Variants in IL1RAPL2 observed in about 807,000 individuals in gnomAD.
IL1RAPL2 encodes the protein interleukin 1 receptor accessory protein like 2, also known as X-linked interleukin-1 receptor accessory protein-like 2.
A neutral mutation model predicts 44.1 loss-of-function variants in IL1RAPL2; 3 were observed. That is an observed-to-expected ratio of 0.07 (90% CI 0.03 to 0.18). The LOEUF (loss-of-function observed/expected upper bound fraction) is 0.18. IL1RAPL2 is among the 10% of genes least tolerant of loss of function. The pLI is 1.00. For missense variants in IL1RAPL2, 391 were observed against 496.4 expected, an observed-to-expected ratio of 0.79 and a Z score of 2.02; for synonymous variants, 181 against 178.8, an observed-to-expected ratio of 1.01 and a Z score of -0.10.
At chrX:105,323,897 G>GAC (rs756657204) in intron 5 of IL1RAPL2, among the ~76,000 whole-genome samples, 6,259 of 95,343 alleles carry the variant, frequency 0.066, 190 homozygotes, top group Non-Finnish European at 0.09. Flanking sequence ...CACACACACA[G>GAC]ACACACACAC....
chrX:105,135,715 C>G (rs1332781532), intron 2 of IL1RAPL2, among the ~76,000 whole-genome samples: 1 of 111,631 alleles, frequency 9.0e-6, no homozygotes, highest in Non-Finnish European at 1.9e-5. Context: ...ATAATTGGAT[C>G]CTGCTCTAGC....
intron 1 of IL1RAPL2, among the ~76,000 whole-genome samples, chrX:104,622,325 T>G (rs898141287): frequency 2.0e-5 from 2 of 98,367 alleles, no homozygotes; most frequent in African/African-American, 1.1e-4. Flanking sequence ...TAGATCCTGA[T>G]GTAAGGTGTG....
At chrX:105,462,922 T>G (rs2147767279) in intron 5 of IL1RAPL2, among the ~76,000 whole-genome samples, 1 of 111,107 alleles carries the variant, frequency 9.0e-6, no homozygotes, top group East Asian at 2.8e-4. Context: ...CTGCAGTCCT[T>G]ACCCCCATTT....
At chrX:105,761,039 C>T (rs769013457) in intron 10 of IL1RAPL2, among the ~76,000 whole-genome samples, 3 of 109,273 alleles carry the variant, frequency 2.7e-5, no homozygotes, top group Non-Finnish European at 3.8e-5. Context: ...ACTAACTGGG[C>T]GTGGTGGCAG....
At chrX:105,299,685 A>G (rs1013346063) in intron 5 of IL1RAPL2, among the ~76,000 whole-genome samples, 1 of 112,027 alleles carries the variant, frequency 8.9e-6, no homozygotes, top group East Asian at 2.8e-4. Flanking sequence ...TATGACCCTA[A>G]TGCCAGAAAT....
At chrX:105,028,813 C>A (rs1285169550) in intron 2 of IL1RAPL2, among the ~76,000 whole-genome samples, 1 of 111,027 alleles carries the variant, frequency 9.0e-6, no homozygotes, top group African/African-American at 3.3e-5. Context: ...GACTTGAGTT[C>A]TTTTCTTTAG....
chrX:105,429,218 G>C (rs2035831252), intron 5 of IL1RAPL2, among the ~76,000 whole-genome samples: 1 of 111,633 alleles, frequency 9.0e-6, no homozygotes, highest in Non-Finnish European at 1.9e-5. Context: ...GTGAAAATTA[G>C]CTTCAAGTTC....
chrX:105,510,973 G>T (rs974588537), intron 6 of IL1RAPL2, among the ~76,000 whole-genome samples: 13 of 111,697 alleles, frequency 1.2e-4, no homozygotes, highest in African/African-American at 4.2e-4. Flanking sequence ...GAGTAGGAAT[G>T]CACTGCACTG....
In IL1RAPL2 at chrX:104,709,082, T is replaced by C. The variant is rs141277824; in HGVS notation, c.82+50087T>C. Among the ~76,000 whole-genome samples, 15 of 111,161 alleles carry C rather than the reference T, an allele frequency of 1.3e-4. 2 individuals are homozygous for C. The highest frequency in any genetic ancestry group is 4.9e-4 in the African/African-American group (15 of 30,764). On this transcript the variant is annotated intron_variant, in intron 2 of 10. Coordinates refer to ENST00000372582, the MANE Select transcript of IL1RAPL2 (RefSeq NM_017416.2). ...CTATATAGCGCAGTGCTTAAGAATG[T>C]ATCTCTGGATTCAAATAAGTTGAAT...
intron 5 of IL1RAPL2, among the ~76,000 whole-genome samples, chrX:105,347,713 G>A (rs1569426912): frequency 9.0e-6 from 1 of 110,520 alleles, no homozygotes; most frequent in African/African-American, 3.3e-5. Context: ...ATTTTGAGCC[G>A]GATAGTTCTT....
At chrX:104,645,509 G>A (rs1014129016) in intron 1 of IL1RAPL2, among the ~76,000 whole-genome samples, 4 of 111,719 alleles carry the variant, frequency 3.6e-5, no homozygotes, top group African/African-American at 1.3e-4. Flanking sequence ...TTTTTAGAAC[G>A]ATCTTTCCTA....
chrX:104,860,414 T>C (rs1374701787), intron 2 of IL1RAPL2, among the ~76,000 whole-genome samples: 1 of 111,554 alleles, frequency 9.0e-6, no homozygotes, highest in East Asian at 2.8e-4. Flanking sequence ...CCTTCTCAAT[T>C]TGAAACATAA....
At chrX:105,032,725 G>A (rs1326950203) in intron 2 of IL1RAPL2, among the ~76,000 whole-genome samples, 2 of 111,481 alleles carry the variant, frequency 1.8e-5, no homozygotes, top group Non-Finnish European at 3.8e-5. Flanking sequence ...GGAGAGTTCT[G>A]TAGATATCTA....
At chrX:105,575,134 C>T (rs2037041451) in intron 6 of IL1RAPL2, among the ~76,000 whole-genome samples, 1 of 111,967 alleles carries the variant, frequency 8.9e-6, no homozygotes, top group African/African-American at 3.2e-5. Flanking sequence ...GCAGTTCCAA[C>T]AGTAAAAGCT....
At chrX:104,725,173 T>C (rs985137167) in intron 2 of IL1RAPL2, among the ~76,000 whole-genome samples, 15 of 111,440 alleles carry the variant, frequency 1.3e-4, no homozygotes, top group Non-Finnish European at 5.7e-5. Flanking sequence ...CTGGGAATGA[T>C]GGTTTCCAGC....
chrX:105,181,940 G>A (rs1366320269), intron 2 of IL1RAPL2, among the ~76,000 whole-genome samples: 2 of 108,823 alleles, frequency 1.8e-5, no homozygotes, highest in African/African-American at 3.4e-5. Context: ...GGTAGCGGGC[G>A]CCTGTAGTCC....
chrX:104,850,161 T>A (rs557516526), intron 2 of IL1RAPL2, among the ~76,000 whole-genome samples: 22 of 111,801 alleles, frequency 2.0e-4, no homozygotes, highest in African/African-American at 6.5e-4. Flanking sequence ...TAATGAAGGC[T>A]ATAGACCTAA....
At chrX:105,372,295 G>A (rs778731443) in intron 5 of IL1RAPL2, among the ~76,000 whole-genome samples, 4 of 109,297 alleles carry the variant, frequency 3.7e-5, no homozygotes, top group Non-Finnish European at 7.6e-5. Context: ...AATTAGCCAG[G>A]CATGGTGGTG....
chrX:104,921,879 C>G (rs902397519), intron 2 of IL1RAPL2, among the ~76,000 whole-genome samples: 1 of 112,019 alleles, frequency 8.9e-6, no homozygotes, highest in Admixed American at 9.4e-5. Flanking sequence ...GGAGATCTCC[C>G]AAGTCCAGGG....
Sources: allele counts gnomAD v4.1 joint callset (sites outside exome capture counted in the v4.1 genomes callset), GRCh38; gene constraint gnomAD v4.1.1; transcripts MANE v1.5; gene names NCBI Gene and HGNC (gene_info 2026-07-23, HGNC 2026-07-21).